The following DLG2 variants were observed in gnomAD, a reference collection of about 807,000 sequenced individuals.
DLG2 encodes the protein discs large MAGUK scaffold protein 2, also known as disks large homolog 2.
Under a neutral mutation model 132.5 loss-of-function variants are expected in DLG2, and 45 were observed. That is an observed-to-expected ratio of 0.34 (90% confidence interval 0.27 to 0.44). The LOEUF is 0.44. Ranked by LOEUF, DLG2 falls within the 20% of genes least tolerant of loss-of-function variation. The pLI is 1.00. For synonymous variants in DLG2, 424 were observed against 419.6 expected (o/e 1.01, Z -0.13); for missense variants, 1,045 against 1,196.9 (o/e 0.87, Z 1.87).
At chr11:83,777,786 T>C (rs1304930015) in intron 18 of DLG2, among the ~76,000 whole-genome samples, 1 of 152,106 alleles carries the variant, frequency 6.6e-6, no homozygotes, top group Non-Finnish European at 1.5e-5. Flanking sequence ...GTGTTTAAAA[T>C]GTATGGGGAA....
At chr11:84,286,264 T>C (rs2097909094) in intron 7 of DLG2, among the ~76,000 whole-genome samples, 1 of 152,168 alleles carries the variant, frequency 6.6e-6, no homozygotes, top group Non-Finnish European at 1.5e-5. Flanking sequence ...TGGCTTCCAG[T>C]GATGCTCCAC....
At chr11:83,964,967 T>C (rs2089856779) in intron 13 of DLG2, among the ~76,000 whole-genome samples, 1 of 152,020 alleles carries the variant, frequency 6.6e-6, no homozygotes, top group African/African-American at 2.4e-5. Context: ...TCTAATCTAC[T>C]ACTACAGAGA....
intron 27 of DLG2, among the ~76,000 whole-genome samples, chr11:83,460,520 CTATT>C (rs2089699682): frequency 6.6e-6 from 1 of 152,136 alleles, no homozygotes. Context: ...CATAAGTCCA[CTATT>C]TATAAGAAAC....
chr11:84,724,311 C>A (rs1000846121), intron 6 of DLG2, among the ~76,000 whole-genome samples: 1 of 151,972 alleles, frequency 6.6e-6, no homozygotes, highest in Non-Finnish European at 1.5e-5. Flanking sequence ...TTTGAGAAAC[C>A]ATTTTGTTCA....
chr11:83,595,189 T>C (rs1486458940), intron 19 of DLG2, among the ~76,000 whole-genome samples: 2 of 152,172 alleles, frequency 1.3e-5, no homozygotes, highest in Admixed American at 6.5e-5. Context: ...AAATGTGAGG[T>C]GAGTTTTCTC....
chr11:83,586,730 C>T (rs753274310), intron 19 of DLG2, among the ~76,000 whole-genome samples: 1 of 152,184 alleles, frequency 6.6e-6, no homozygotes, highest in African/African-American at 2.4e-5. Flanking sequence ...TACAGAGGCA[C>T]TGAGAAGTTA....
In DLG2 at chr11:84,199,031, A is replaced by G. The variant is rs117475765; in HGVS notation, c.574-35520T>C. Among the ~76,000 whole-genome samples, 163 of 152,296 alleles carry G rather than the reference A, an allele frequency of 1.1e-3. 1 individual carries two copies. The East Asian group carries it at 0.024, about 22-fold the overall frequency. On this transcript the variant is annotated intron_variant, in intron 8 of 27. Transcript: ENST00000376104. ...GAAAGATGGATTTGAAAAATTCTCA[A>G]GTGCAGTATTATTTGCACGTCATAA... is the stretch of plus-strand genomic sequence containing the variant.
At chr11:85,081,858 A>G (rs2067273062) in intron 6 of DLG2, among the ~76,000 whole-genome samples, 1 of 152,110 alleles carries the variant, frequency 6.6e-6, no homozygotes, top group African/African-American at 2.4e-5. Context: ...AAATCATCTG[A>G]CCTTACTTGT....
chr11:85,150,743 TGTGTGTG>T (rs2077195797), intron 5 of DLG2, among the ~76,000 whole-genome samples: 1 of 146,508 alleles, frequency 6.8e-6, no homozygotes, highest in African/African-American at 2.5e-5. Context: ...TGTGTGTGTG[TGTGTGTG>T]TAACATTTTC....
Position 85,283,671 on chromosome 11 carries a change from A to G in DLG2, c.186+1549T>C, listed in dbSNP as rs564981866. ...ATAGTGAACACGTAACTGCAATATA[A>G]AGCATTAAGTAAAACATCTTATCTA... On this transcript the variant is annotated intron_variant, in intron 4 of 27. Transcript: ENST00000376104. Among the ~76,000 whole-genome samples the G allele has an allele frequency of 7.2e-5, 11 of 152,036 alleles. 1 individual carries two copies. In the South Asian group the frequency reaches 1.9e-3, roughly 26 times the overall value.
chr11:84,778,051 TC>T (rs1455090709), intron 6 of DLG2, among the ~76,000 whole-genome samples: 2 of 152,206 alleles, frequency 1.3e-5, no homozygotes, highest in African/African-American at 4.8e-5. Context: ...AGAAGAGTTT[TC>T]CCTAGGTATT....
intron 6 of DLG2, among the ~76,000 whole-genome samples, chr11:84,578,357 C>T (rs979673851): frequency 2.6e-5 from 4 of 152,198 alleles, no homozygotes; most frequent in Admixed American, 6.5e-5. Context: ...GCCTCAGACA[C>T]TCAATGCCAG....
intron 5 of DLG2, among the ~76,000 whole-genome samples, chr11:85,145,745 C>A: frequency 6.6e-6 from 1 of 152,028 alleles, no homozygotes; most frequent in East Asian, 1.9e-4. Context: ...TCTGTGTTAT[C>A]TTGATGCTCA....
At chr11:84,037,782 T>C (rs2095908252) in intron 11 of DLG2, among the ~76,000 whole-genome samples, 2 of 152,162 alleles carry the variant, frequency 1.3e-5, no homozygotes, top group Non-Finnish European at 2.9e-5. Flanking sequence ...CATTTCTCCA[T>C]GCATTTTTAA....
intron 11 of DLG2, among the ~76,000 whole-genome samples, chr11:84,005,813 A>C (rs1316190257): frequency 6.6e-6 from 1 of 151,902 alleles, no homozygotes; most frequent in Non-Finnish European, 1.5e-5. Flanking sequence ...TTAAAAAGAC[A>C]AAAAATAACG....
intron 21 of DLG2, among the ~76,000 whole-genome samples, chr11:83,516,450 C>A (rs1250485185): frequency 2.6e-5 from 4 of 152,182 alleles, no homozygotes; most frequent in African/African-American, 9.7e-5. Context: ...CTGAATACAG[C>A]ACACTGGTGG....
intron 3 of DLG2, among the ~76,000 whole-genome samples, chr11:85,314,039 T>C (rs1225830255): frequency 6.6e-6 from 1 of 151,866 alleles, no homozygotes; most frequent in Non-Finnish European, 1.5e-5. Context: ...GGCCCCAAAA[T>C]GAAACAAAAA....
At chr11:84,049,216 A>T (rs2096302165) in intron 11 of DLG2, among the ~76,000 whole-genome samples, 1 of 151,878 alleles carries the variant, frequency 6.6e-6, no homozygotes, top group Non-Finnish European at 1.5e-5. Context: ...TATTTAATAA[A>T]TTCTCATCTA....
intron 5 of DLG2, among the ~76,000 whole-genome samples, chr11:85,130,353 T>C (rs1240300632): frequency 6.6e-6 from 1 of 152,132 alleles, no homozygotes; most frequent in Non-Finnish European, 1.5e-5. Context: ...GAGGAATTTA[T>C]CTCTATAGTA....
Sources: allele counts gnomAD v4.1 joint callset (sites outside exome capture counted in the v4.1 genomes callset), GRCh38; gene constraint gnomAD v4.1.1; transcripts MANE v1.5; gene names NCBI Gene and HGNC (gene_info 2026-07-23, HGNC 2026-07-21).